PCDH11X: variants seen among roughly 807,000 people sequenced by gnomAD.
PCDH11X encodes protocadherin-11 X-linked.
In PCDH11X, 18 loss-of-function variants were observed where a neutral mutation model predicts 53.3. That is an observed-to-expected ratio of 0.34 (90% CI 0.23 to 0.50). The LOEUF (loss-of-function observed/expected upper bound fraction) is 0.50. PCDH11X is among the 20% of genes least tolerant of loss of function. The pLI, the probability that PCDH11X is intolerant of heterozygous loss-of-function variation, is 0.98. For synonymous variants in PCDH11X, 279 were observed against 393.3 expected (o/e 0.71, Z 3.44); for missense variants, 570 against 1,032.4 (o/e 0.55, Z 6.14).
intron 6 of PCDH11X, among the ~76,000 whole-genome samples, chrX:92,000,447 G>T (rs1034248936): frequency 4.6e-5 from 5 of 107,878 alleles, no homozygotes; most frequent in South Asian, 4.1e-4. Context: ...TTATTTTTGT[G>T]GGTACATAAT....
intron 10 of PCDH11X, among the ~76,000 whole-genome samples, chrX:92,504,510 C>T (rs746584430): frequency 5.6e-5 from 6 of 107,409 alleles, no homozygotes; most frequent in African/African-American, 2.0e-4. Context: ...ATCCAGTCAA[C>T]CATATATGTA....
At chrX:92,491,101 TA>T (rs930646508) in intron 10 of PCDH11X, among the ~76,000 whole-genome samples, 1 of 110,454 alleles carries the variant, frequency 9.1e-6, no homozygotes, top group African/African-American at 3.3e-5. Flanking sequence ...GGAAGAAAGG[TA>T]AAATATGAGT....
chrX:92,019,180 C>T (rs927859502), intron 6 of PCDH11X, among the ~76,000 whole-genome samples: 1 of 108,641 alleles, frequency 9.2e-6, no homozygotes, highest in Admixed American at 1.0e-4. Flanking sequence ...TCATTCTTGG[C>T]CCCCGGTGAC....
chrX:92,179,432 C>A (rs1186785024), intron 6 of PCDH11X, among the ~76,000 whole-genome samples: 3 of 111,548 alleles, frequency 2.7e-5, no homozygotes, highest in South Asian at 3.7e-4. Flanking sequence ...AACATTTTAA[C>A]CCATTTGAAT....
At chrX:91,985,539 A>T (rs1339128672) in intron 6 of PCDH11X, among the ~76,000 whole-genome samples, 1 of 112,217 alleles carries the variant, frequency 8.9e-6, no homozygotes, top group East Asian at 2.8e-4. Flanking sequence ...AAAAATAAAT[A>T]AAAAGTTTAA....
At chrX:92,258,875 T>C (rs1481926914) in intron 7 of PCDH11X, among the ~76,000 whole-genome samples, 1 of 112,093 alleles carries the variant, frequency 8.9e-6, no homozygotes, top group East Asian at 2.8e-4. Context: ...TCTTGAATGC[T>C]TTGCTGCTTA....
chrX:91,894,241 C>T (rs1940642214), intron 6 of PCDH11X, among the ~76,000 whole-genome samples: 1 of 111,807 alleles, frequency 8.9e-6, no homozygotes, highest in Non-Finnish European at 1.9e-5. Flanking sequence ...AATTTTCAAT[C>T]ATCCCAGATA....
intron 6 of PCDH11X, among the ~76,000 whole-genome samples, chrX:92,157,295 T>C (rs1257760910): frequency 6.3e-5 from 7 of 111,638 alleles, no homozygotes; most frequent in Non-Finnish European, 1.3e-4. Context: ...TTGTTTATCT[T>C]CTACTATTCC....
chrX:92,002,974 T>TA (rs1277340085), intron 6 of PCDH11X, among the ~76,000 whole-genome samples: 1 of 93,272 alleles, frequency 1.1e-5, no homozygotes, highest in Non-Finnish European at 2.1e-5. Flanking sequence ...TTCCAGATGT[T>TA]AGAGGAAAGG....
chrX:92,201,942 A>T (rs2066398237), intron 7 of PCDH11X, among the ~76,000 whole-genome samples: 1 of 111,563 alleles, frequency 9.0e-6, no homozygotes, highest in Non-Finnish European at 1.9e-5. Flanking sequence ...GGAAGAATTC[A>T]ACTGAGGAAC....
intron 9 of PCDH11X, among the ~76,000 whole-genome samples, chrX:92,412,377 T>C (rs2071696305): frequency 9.3e-6 from 1 of 107,329 alleles, no homozygotes; most frequent in South Asian, 4.2e-4. Flanking sequence ...AAATGGCAAC[T>C]TTAAAGTATG....
intron 9 of PCDH11X, among the ~76,000 whole-genome samples, chrX:92,411,273 A>T (rs1438798956): frequency 9.0e-6 from 1 of 111,020 alleles, no homozygotes; most frequent in African/African-American, 3.3e-5. Flanking sequence ...TACTTTTAAA[A>T]TTTTACTTTA....
chrX:92,490,421 A>C (rs1483011293), intron 10 of PCDH11X, among the ~76,000 whole-genome samples: 2 of 111,893 alleles, frequency 1.8e-5, no homozygotes, highest in African/African-American at 6.5e-5. Context: ...TTTATGTCAG[A>C]AATAGGCGTT....
chrX:92,545,287 G>T (rs763521769), intron 10 of PCDH11X, among the ~76,000 whole-genome samples: 1 of 108,499 alleles, frequency 9.2e-6, no homozygotes, highest in South Asian at 4.0e-4. Flanking sequence ...TTATTCCAAA[G>T]ACCAGTAAGA....
At chrX:92,033,745 A>G (rs757562996) in intron 6 of PCDH11X, among the ~76,000 whole-genome samples, 3 of 108,233 alleles carry the variant, frequency 2.8e-5, no homozygotes, top group South Asian at 7.9e-4. Context: ...AATTTCATCT[A>G]TTTCTCCTCC....
intron 6 of PCDH11X, among the ~76,000 whole-genome samples, chrX:91,900,963 A>G (rs1940929490): frequency 9.0e-6 from 1 of 111,165 alleles, no homozygotes; most frequent in Admixed American, 9.7e-5. Flanking sequence ...GATGGAGAAA[A>G]CTGTTCCTGT....
intron 8 of PCDH11X, among the ~76,000 whole-genome samples, chrX:92,336,818 G>GT (rs901899556): frequency 3.6e-5 from 4 of 109,806 alleles, no homozygotes; most frequent in South Asian, 3.9e-4. Flanking sequence ...GTAACATAAG[G>GT]TTTTTTTTTA....
chrX:91,916,067 A>G (rs1276476242), intron 6 of PCDH11X, among the ~76,000 whole-genome samples: 1 of 110,852 alleles, frequency 9.0e-6, no homozygotes, highest in Non-Finnish European at 1.9e-5. Flanking sequence ...CATGAAAACT[A>G]AATAATCTGC....
At chrX:91,825,451 G>A (rs992486431) in intron 4 of PCDH11X, among the ~76,000 whole-genome samples, 12 of 111,835 alleles carry the variant, frequency 1.1e-4, no homozygotes, top group Non-Finnish European at 1.7e-4. Flanking sequence ...GGTGCCGTCC[G>A]TCACCCCTTT....
Sources: gnomAD v4.1 joint callset for allele counts (sites outside exome capture counted in the v4.1 genomes callset) on GRCh38, gnomAD v4.1.1 for gene constraint, MANE v1.5 for transcripts, NCBI Gene and HGNC (gene_info 2026-07-23, HGNC 2026-07-21) for gene names.